LPP: variants seen among roughly 807,000 people sequenced by gnomAD.
LPP encodes the protein lipoma-preferred partner.
LPP carries 38 observed loss-of-function variants against 60.4 expected under a neutral mutation model. The ratio of observed to expected loss-of-function variants is 0.63; its 90% CI spans 0.49 to 0.83. LPP has a LOEUF of 0.83. LPP is among the 40% of genes least tolerant of loss of function. The probability of loss-of-function intolerance (pLI) is 0.00; values close to 1 mark genes in which losing one functional copy is unlikely to be tolerated. For synonymous variants in LPP, 328 were observed against 290.8 expected, an observed-to-expected ratio of 1.13 and a Z score of -1.30; for missense variants, 902 against 783.6, an observed-to-expected ratio of 1.15 and a Z score of -1.80.
intron 5 of LPP, among the ~76,000 whole-genome samples, chr3:188,510,201 G>T (rs111276847): frequency 0.013 from 1,912 of 152,278 alleles, 46 homozygotes; most frequent in African/African-American, 0.043. Context: ...AGTGAAGCTT[G>T]AGACGACATT....
intron 4 of LPP, among the ~76,000 whole-genome samples, chr3:188,408,360 C>T (rs564495678): frequency 2.1e-4 from 32 of 152,114 alleles, no homozygotes; most frequent in Non-Finnish European, 4.4e-4. Flanking sequence ...ATATAATGGC[C>T]TCGCTTTAGA....
intron 5 of LPP, among the ~76,000 whole-genome samples, chr3:188,508,158 G>C (rs1560495272): frequency 6.6e-6 from 1 of 152,160 alleles, no homozygotes; most frequent in Admixed American, 6.5e-5. Context: ...CATGGAGAAG[G>C]GGAACAAGAA....
intron 9 of LPP, among the ~76,000 whole-genome samples, chr3:188,770,734 C>T (rs1009663298): frequency 6.6e-5 from 10 of 152,042 alleles, no homozygotes; most frequent in Admixed American, 2.0e-4. Context: ...GAGTCTTTTA[C>T]GTAGTGGGGT....
chr3:188,178,214 C>A (rs1015896965), intron 1 of LPP, among the ~76,000 whole-genome samples: 26 of 152,068 alleles, frequency 1.7e-4, no homozygotes, highest in African/African-American at 6.3e-4. Context: ...GAGAGTGAGG[C>A]AGGTTGGGAA....
chr3:188,872,300 A>T (rs1404845319), intron 10 of LPP, among the ~76,000 whole-genome samples: 1 of 152,172 alleles, frequency 6.6e-6, no homozygotes, highest in Non-Finnish European at 1.5e-5. Flanking sequence ...TAGGGGCTGG[A>T]CAGGACTTTG....
intron 7 of LPP, among the ~76,000 whole-genome samples, chr3:188,680,633 T>G (rs749071817): frequency 6.6e-6 from 1 of 152,174 alleles, no homozygotes; most frequent in Non-Finnish European, 1.5e-5. Flanking sequence ...AATAATTTTA[T>G]TAAGTTTACA....
intron 2 of LPP, among the ~76,000 whole-genome samples, chr3:188,228,406 G>A (rs1160533480): frequency 1.3e-5 from 2 of 152,100 alleles, no homozygotes; most frequent in African/African-American, 2.4e-5. Flanking sequence ...GTGTTCTATC[G>A]GGCATTGGCT....
At chr3:188,395,429 T>C (rs1319683139) in intron 3 of LPP, among the ~76,000 whole-genome samples, 1 of 151,794 alleles carries the variant, frequency 6.6e-6, no homozygotes, top group African/African-American at 2.4e-5. Flanking sequence ...CAGAGACACA[T>C]CTTGTTGTGT....
At chr3:188,763,949 A>G (rs1237140421) in intron 9 of LPP, among the ~76,000 whole-genome samples, 2 of 152,174 alleles carry the variant, frequency 1.3e-5, no homozygotes, top group Admixed American at 6.5e-5. Flanking sequence ...ACCATCAACA[A>G]TAATGAAACT....
rs1846048733 is a variant in LPP at position 188,622,852 on chromosome 3, A to G, written c.1113+13008A>G. ...ATACCAGCCTGACCAACATGGTGAA[A>G]CCCTGTCTCTACTAAAAATACAAAA... is the stretch of plus-strand genomic sequence containing the variant. On this transcript the variant is annotated intron_variant, in intron 7 of 11. Coordinates refer to ENST00000617246, the MANE Select transcript of LPP (RefSeq NM_001375462.1). Among the ~76,000 whole-genome samples the G allele has an allele frequency of 2.6e-5, 4 of 151,916 alleles. No individual in the cohort carries two copies. In the South Asian group the frequency reaches 8.3e-4, roughly 32 times the overall value.
chr3:188,471,274 T>C (rs2149524463), intron 4 of LPP, among the ~76,000 whole-genome samples: 1 of 152,308 alleles, frequency 6.6e-6, no homozygotes, highest in East Asian at 1.9e-4. Context: ...GGTCCTTTTT[T>C]CAAGATTGCT....
intron 1 of LPP, among the ~76,000 whole-genome samples, chr3:188,204,225 C>T (rs909736395): frequency 6.6e-6 from 1 of 152,092 alleles, no homozygotes; most frequent in African/African-American, 2.4e-5. Context: ...TGCCTGGGGC[C>T]AGGGGTTCTT....
Position 188,521,409 on chromosome 3 carries a change from C to T in LPP, c.307-3256C>T, listed in dbSNP as rs561175204. On this transcript the variant is annotated intron_variant, in intron 5 of 11. Coordinates refer to ENST00000617246, the MANE Select transcript of LPP (RefSeq NM_001375462.1). ...TTTTATTGTGTAGTTCAGGGTAATTCTGTGACTTGTTGAGTCTCAGTGGTT... is the reference window on the plus strand; with the variant it reads ...TTTTATTGTGTAGTTCAGGGTAATTTTGTGACTTGTTGAGTCTCAGTGGTT... 1.2e-4 allele frequency among the ~76,000 whole-genome samples: 18 copies of T among 152,180 alleles called. No homozygotes were observed. In the South Asian group the frequency reaches 3.5e-3, roughly 30 times the overall value.
intron 8 of LPP, among the ~76,000 whole-genome samples, chr3:188,742,069 AG>A (rs1724628707): frequency 6.6e-6 from 1 of 152,136 alleles, no homozygotes; most frequent in African/African-American, 2.4e-5. Context: ...CAATATATGT[AG>A]TCATTAAAGA....
At chr3:188,865,951 T>C (rs1399512364) in intron 9 of LPP, among the ~76,000 whole-genome samples, 3 of 152,314 alleles carry the variant, frequency 2.0e-5, no homozygotes, top group East Asian at 1.9e-4. Flanking sequence ...ACTTGACCCA[T>C]CTAATTGTGT....
At chr3:188,686,360 G>C (rs1860720991) in intron 7 of LPP, among the ~76,000 whole-genome samples, 2 of 152,094 alleles carry the variant, frequency 1.3e-5, no homozygotes, top group Admixed American at 1.3e-4. Context: ...TTTAAACTAA[G>C]GTAACCCACT....
intron 9 of LPP, among the ~76,000 whole-genome samples, chr3:188,859,303 G>GT: frequency 6.6e-6 from 1 of 151,752 alleles, no homozygotes. Context: ...GTTAAAATAA[G>GT]TTTTTTTTCA....
chr3:188,719,935 C>T (rs748639303), intron 8 of LPP, among the ~76,000 whole-genome samples: 3 of 152,092 alleles, frequency 2.0e-5, no homozygotes, highest in East Asian at 1.9e-4. Flanking sequence ...TTGTCTGAGA[C>T]GTAGTCTTGC....
chr3:188,271,574 G>A (rs1374945809), intron 2 of LPP, among the ~76,000 whole-genome samples: 1 of 152,152 alleles, frequency 6.6e-6, no homozygotes, highest in Non-Finnish European at 1.5e-5. Context: ...TGGCCCTAAG[G>A]TGGACTACGG....
Sources: allele counts gnomAD v4.1 joint callset (sites outside exome capture counted in the v4.1 genomes callset), GRCh38; gene constraint gnomAD v4.1.1; transcripts MANE v1.5; gene names NCBI Gene and HGNC (gene_info 2026-07-23, HGNC 2026-07-21).